GDF1: variants seen among roughly 807,000 people sequenced by gnomAD.
GDF1 encodes growth differentiation factor 1, also known as embryonic growth/differentiation factor 1.
Under a neutral mutation model 7.4 loss-of-function variants are expected in GDF1, and 8 were observed. The ratio of observed to expected loss-of-function variants is 1.09; its 90% CI spans 0.64 to 1.96. The LOEUF (loss-of-function observed/expected upper bound fraction) is 1.96, where lower values mean the gene tolerates loss of function less well. GDF1 is among the 30% of genes most tolerant of loss of function. GDF1 has a pLI of 0.00. For synonymous variants in GDF1, 311 were observed against 276.7 expected, an observed-to-expected ratio of 1.12 and a Z score of -1.23; for missense variants, 574 against 551.5, an observed-to-expected ratio of 1.04 and a Z score of -0.41.
chr19:18,882,673 T>A (rs916064904), intron 3 of GDF1, among the ~76,000 whole-genome samples: 5 of 150,270 alleles, frequency 3.3e-5, no homozygotes, highest in Non-Finnish European at 4.4e-5. Flanking sequence ...GATAAAGTAA[T>A]TTTAAAAATG....
chr19:18,894,411 G>A (rs533009066), intron 1 of GDF1, among the ~76,000 whole-genome samples: 2 of 152,140 alleles, frequency 1.3e-5, no homozygotes, highest in African/African-American at 4.8e-5. Context: ...TGGCAACCAG[G>A]CTGCTGCCAA....
chr19:18,870,414 C>T lies in GDF1; in HGVS notation c.-107G>A, dbSNP rs1290021910. On this transcript the variant is annotated 5_prime_UTR_variant, in exon 7 of 8. Transcript: ENST00000247005. This position sits in a 1 kb window ranked among gnomAD's most constrained non-coding sequence, Gnocchi z 5.1. ...CCGGAGGGGCAGGGGTCCTGGGGGG[C>T]GTGGCCGGGAACTGGAGGCAGGATG... The T allele has an allele frequency of 4.8e-6, 5 of 1,035,976 alleles. 1 individual carries two copies. The highest frequency in any genetic ancestry group is 5.2e-6 in the Non-Finnish European group (4 of 771,164). The allele number at this position is 1,035,976 out of a possible 1,614,324, so 64.2% of individuals were successfully genotyped here.
At chr19:18,887,491 T>A (rs1416906733) in intron 2 of GDF1, among the ~76,000 whole-genome samples, 2 of 152,224 alleles carry the variant, frequency 1.3e-5, no homozygotes, top group East Asian at 3.8e-4. Context: ...TTAAAATGGT[T>A]AATTTTTGGC....
At chr19:18,883,428 G>A (rs2056264083) in intron 3 of GDF1, 1 of 152,228 alleles carries the variant, frequency 6.6e-6, no homozygotes, top group Non-Finnish European at 1.5e-5. Flanking sequence ...CACACTTCGG[G>A]GAGCTGAGGT....
At position 18,885,792 on chromosome 19, in the gene GDF1, T is replaced by C. The variant is rs570246897; in HGVS notation, c.-913-1525A>G. Among the ~76,000 whole-genome samples the C allele has an allele frequency of 1.4e-4, 21 of 152,188 alleles. No individual in the cohort carries two copies. The East Asian group carries it at 3.7e-3, about 27-fold the overall frequency. On this transcript the variant is annotated intron_variant, in intron 2 of 7. Transcript: ENST00000247005. The stretch of plus-strand genomic sequence containing the variant: ...CCTCGGCCTCCCAAAGTGCTGGGAT[T>C]ACGGGCGTGAGCCGCTGCGCCCGGC...
chr19:18,895,748 G>A lies in GDF1; in HGVS notation c.-1074+76C>T. 2.5e-6 allele frequency: 2 copies of A among 807,988 alleles called. No homozygotes were observed. The highest frequency in any genetic ancestry group is 3.2e-6 in the Non-Finnish European group (2 of 624,922). The allele number at this position is 807,988 out of a possible 1,614,324, so 50.1% of individuals were successfully genotyped here. On this transcript the variant is annotated intron_variant, in intron 1 of 7. Transcript: ENST00000247005. The surrounding 1 kb of genome is among the most constrained non-coding windows in gnomAD (Gnocchi z 6.4). ...AGCCAGCGCTGGAAGAAAGGAACGC[G>A]CCGGCGGCCCCAGGTCCCCGGTCCC... is the stretch of plus-strand genomic sequence containing the variant.
intron 2 of GDF1, among the ~76,000 whole-genome samples, chr19:18,887,879 A>T (rs553620533): frequency 6.6e-6 from 1 of 152,274 alleles, no homozygotes; most frequent in South Asian, 2.1e-4. Context: ...CCCCAATGGA[A>T]CAGTCCTCTG....
rs958859804 is a variant in GDF1 at position 18,878,680 on chromosome 19, C to T, written c.-313+250G>A. ...TAGGCCTGGCCCTCAGTGTCCCTAC[C>T]GCTGAGACCCTGCCTGTCGCCCTGC... is the stretch of plus-strand genomic sequence containing the variant. On this transcript the variant is annotated intron_variant, in intron 6 of 7. Coordinates refer to ENST00000247005, the MANE Select transcript of GDF1 (RefSeq NM_001492.6). The surrounding 1 kb of genome is among the most constrained non-coding windows in gnomAD (Gnocchi z 4.6). 4.8e-5 allele frequency: 64 copies of T among 1,331,258 alleles called. No individual in the cohort carries two copies. The highest frequency in any genetic ancestry group is 5.5e-5 in the Non-Finnish European group (57 of 1,034,422). The allele number at this position is 1,331,258 out of a possible 1,614,324, so 82.5% of individuals were successfully genotyped here.
rs948868401 is a variant in GDF1, at chr19:18,868,765, G to A, written c.951C>T (p.His317=). Residue 317 remains histidine (H), a synonymous_variant, in exon 8 of 8, where the codon CAC becomes CAT. Coordinates refer to ENST00000247005, the MANE Select transcript of GDF1 (RefSeq NM_001492.6). Reference sequence around the variant, plus strand: ...CGTGCATGAGCGCGCGCAGCACAGCGTGGTTGAGCGCCGGCGGCCCCCCGG... The same window carrying A: ...CGTGCATGAGCGCGCGCAGCACAGCATGGTTGAGCGCCGGCGGCCCCCCGG... ...SGSGGPPALN[H]AVLRALMHAA... 1.1e-5 allele frequency: 16 copies of A among 1,487,638 alleles called. No individual in the cohort carries two copies. Among genetic ancestry groups the A allele is most frequent in the Non-Finnish European group, 1.3e-5 (14 of 1,112,614 alleles). 92.2% of individuals were successfully genotyped at this position (1,487,638 alleles called of 1,614,324 possible).
chr19:18,890,626 A>G (rs2056466254), intron 2 of GDF1, among the ~76,000 whole-genome samples: 2 of 150,992 alleles, frequency 1.3e-5, no homozygotes, highest in African/African-American at 4.9e-5. Context: ...AAAAAACACA[A>G]AAAAATTCGC....
Position 18,869,011 on chromosome 19 carries a change from C to T in GDF1, c.705G>A (p.Leu235=). 1 of 1,095,014 alleles carries T rather than the reference C, an allele frequency of 9.1e-7. No homozygotes were observed. Among genetic ancestry groups the T allele is most frequent in the South Asian group, 4.2e-5 (1 of 23,848 alleles). The allele number at this position is 1,095,014 out of a possible 1,614,324, so 67.8% of individuals were successfully genotyped here. A position where few individuals can be genotyped will look rare whatever the true frequency, so the allele number is the denominator to read the frequency against. The change falls in exon 8 of 8, where the codon CTG becomes CTA. Residue 235 remains leucine, a synonymous_variant. Transcript: ENST00000247005. Reference sequence around the variant, plus strand: ...GGCGCGGGTCGAGGGTCACCAGCAGCAGCGAGGCCTCGGCCAGGCGCGCGC... The same window carrying T: ...GGCGCGGGTCGAGGGTCACCAGCAGTAGCGAGGCCTCGGCCAGGCGCGCGC... ...AACARLAEAS[L]LLVTLDPRLC...
chr19:18,887,129 GAATA>G (rs2056381658), intron 2 of GDF1, among the ~76,000 whole-genome samples: 1 of 152,254 alleles, frequency 6.6e-6, no homozygotes, highest in East Asian at 1.9e-4. Flanking sequence ...GATGGATGAA[GAATA>G]GATAGGTTAC....
chr19:18,890,783 G>GAAAA (rs35488506), intron 2 of GDF1, among the ~76,000 whole-genome samples: 9 of 99,770 alleles, frequency 9.0e-5, no homozygotes, highest in Admixed American at 3.5e-4. Context: ...CGCGTCTGGG[G>GAAAA]AAAAAAAAAA....
Position 18,878,903 on chromosome 19 carries a change from G to A in GDF1, c.-313+27C>T, listed in dbSNP as rs545454026. 1.7e-5 allele frequency: 27 copies of A among 1,611,070 alleles called. No individual in the cohort carries two copies. The East Asian group carries it at 2.0e-4, about 12-fold the overall frequency. The stretch of plus-strand genomic sequence containing the variant: ...GACGGGTGACACTAAAGGAGGGAAC[G>A]CGGGGTGCGGGCCCCTCCACACTCA... On this transcript the variant is annotated intron_variant, in intron 6 of 7. Transcript: ENST00000247005. The surrounding 1 kb of genome is among the most constrained non-coding windows in gnomAD (Gnocchi z 4.6).
At position 18,870,480 on chromosome 19, in the gene GDF1, G is replaced by A; in HGVS notation, c.-173C>T. ...AGGGGAGGTGGCGGCGGCCCTAGAG[G>A]AGCAGAGTTGGAGGGGGTGGAGGGG... On this transcript the variant is annotated 5_prime_UTR_variant, in exon 7 of 8. Coordinates refer to ENST00000247005, the MANE Select transcript of GDF1 (RefSeq NM_001492.6). The surrounding 1 kb of genome is among the most constrained non-coding windows in gnomAD (Gnocchi z 5.1). 1 of 552,238 alleles carries A rather than the reference G, an allele frequency of 1.8e-6. No individual in the cohort carries two copies. The highest frequency in any genetic ancestry group is 3.2e-6 in the Non-Finnish European group (1 of 312,944). The allele number at this position is 552,238 out of a possible 1,614,324, so 34.2% of individuals were successfully genotyped here. A position where few individuals can be genotyped will look rare whatever the true frequency, so the allele number is the denominator to read the frequency against.
intron 2 of GDF1, among the ~76,000 whole-genome samples, chr19:18,892,628 A>C (rs1458068957): frequency 3.3e-5 from 5 of 151,954 alleles, no homozygotes; most frequent in African/African-American, 4.8e-5. Flanking sequence ...AAAGAAAAAC[A>C]ACCACATCCA....
At chr19:18,889,127 A>G (rs1160548594) in intron 2 of GDF1, among the ~76,000 whole-genome samples, 1 of 151,970 alleles carries the variant, frequency 6.6e-6, no homozygotes, top group African/African-American at 2.4e-5. Flanking sequence ...CCCGGCCTCA[A>G]GTGATCCGCC....
Position 18,879,292 on chromosome 19 carries a change from G to C in GDF1, c.-474C>G, listed in dbSNP as rs1432376428. On this transcript the variant is annotated 5_prime_UTR_variant, in exon 5 of 8. Transcript: ENST00000247005. ...TGAGCAGCAGCAGGAGCGCATTGAAGAAGAAGTAGAAGGGGATGTCAGGCA... is the reference window on the plus strand; with the variant it reads ...TGAGCAGCAGCAGGAGCGCATTGAACAAGAAGTAGAAGGGGATGTCAGGCA... 1 of 1,613,298 alleles carries C rather than the reference G, an allele frequency of 6.2e-7. No homozygotes were observed. The highest frequency in any genetic ancestry group is 8.5e-7 in the Non-Finnish European group (1 of 1,179,646).
In GDF1 at chr19:18,868,808, G is replaced by T; in HGVS notation, c.908C>A (p.Pro303His). The T allele has an allele frequency of 6.9e-7, 1 of 1,456,596 alleles. No homozygotes were observed. The allele number at this position is 1,456,596 out of a possible 1,614,324, so 90.2% of individuals were successfully genotyped here. Residue 303 changes from proline to histidine, a missense_variant, in exon 8 of 8, where the codon CCC becomes CAC. Pro to His is a moderately conservative substitution (Grantham distance 77, BLOSUM62 -2). Coordinates refer to ENST00000247005, the MANE Select transcript of GDF1 (RefSeq NM_001492.6). Reference protein sequence around the residue: ...ANYCQGQCALPVALSGSGGPP... With the variant: ...ANYCQGQCALHVALSGSGGPP... ...CCCCCCGGACCCCGACAGCGCGACG[G>T]GCAGCGCGCACTGACCCTGGCAGTA...
Sources: allele counts gnomAD v4.1 joint callset (sites outside exome capture counted in the v4.1 genomes callset), GRCh38; gene constraint gnomAD v4.1.1; non-coding constraint Gnocchi (gnomAD v3.1); transcripts MANE v1.5; gene names NCBI Gene and HGNC (gene_info 2026-07-23, HGNC 2026-07-21).